SPATA16: variants seen among roughly 807,000 people sequenced by gnomAD.
SPATA16 encodes spermatogenesis-associated protein 16.
In SPATA16, 36 loss-of-function variants were observed where a neutral mutation model predicts 63.3. The ratio of observed to expected loss-of-function variants is 0.57; its 90% confidence interval spans 0.44 to 0.75. SPATA16 has a LOEUF of 0.75. SPATA16 is among the 30% of genes least tolerant of loss of function. The pLI is 0.00. For synonymous variants in SPATA16, 203 were observed against 216.7 expected (o/e 0.94, Z 0.56); for missense variants, 646 against 679.3 (o/e 0.95, Z 0.54).
At chr3:172,913,974 A>C (rs1732426719) in intron 9 of SPATA16, among the ~76,000 whole-genome samples, 1 of 152,200 alleles carries the variant, frequency 6.6e-6, no homozygotes, top group African/African-American at 2.4e-5. Flanking sequence ...TGTAAAAAAC[A>C]TATAGGTTTT....
chr3:173,115,896 T>TC lies in SPATA16; in HGVS notation c.612+1223_612+1224insG, dbSNP rs201025192. On this transcript the variant is annotated intron_variant, in intron 2 of 10. Coordinates refer to ENST00000351008, the MANE Select transcript of SPATA16 (RefSeq NM_031955.6). ...AATTACTCTTGTGGGCATTTTTTTT[T>TC]TCTTTTTTTTTTTTGACACAGAGTC... Among the ~76,000 whole-genome samples, 11 of 150,888 alleles carry TC rather than the reference T, an allele frequency of 7.3e-5. No homozygotes were observed. The East Asian group carries it at 7.8e-4, about 11-fold the overall frequency.
intron 6 of SPATA16, among the ~76,000 whole-genome samples, chr3:172,943,850 T>G (rs1733218072): frequency 6.6e-6 from 1 of 151,940 alleles, no homozygotes; most frequent in Non-Finnish European, 1.5e-5. Flanking sequence ...ATATAAAAAC[T>G]TCAATAAATC....
chr3:173,065,516 G>A (rs973284115), intron 2 of SPATA16, among the ~76,000 whole-genome samples: 1 of 152,188 alleles, frequency 6.6e-6, no homozygotes, highest in African/African-American at 2.4e-5. Context: ...TACCCACACA[G>A]GAAATCACTT....
chr3:173,062,580 A>G (rs1487727887), intron 2 of SPATA16, among the ~76,000 whole-genome samples: 1 of 152,186 alleles, frequency 6.6e-6, no homozygotes, highest in Non-Finnish European at 1.5e-5. Flanking sequence ...AAGACTGACT[A>G]ACTTTTCAGA....
intron 6 of SPATA16, among the ~76,000 whole-genome samples, chr3:172,948,322 A>G (rs1055389325): frequency 2.6e-5 from 4 of 152,238 alleles, no homozygotes; most frequent in African/African-American, 9.6e-5. Context: ...CCGGAGTAGC[A>G]TGACATATTT....
At chr3:172,905,109 G>A (rs1329262179) in intron 10 of SPATA16, among the ~76,000 whole-genome samples, 2 of 152,040 alleles carry the variant, frequency 1.3e-5, no homozygotes, top group African/African-American at 2.4e-5. Flanking sequence ...TCTGCACTAC[G>A]CCTTGGACAG....
chr3:173,001,144 TA>T (rs1369715786), intron 4 of SPATA16, among the ~76,000 whole-genome samples: 3 of 152,204 alleles, frequency 2.0e-5, no homozygotes, highest in South Asian at 2.1e-4. Flanking sequence ...ACAAAGACTA[TA>T]AAGACTACGA....
At chr3:173,067,818 A>G (rs182443105) in intron 2 of SPATA16, among the ~76,000 whole-genome samples, 6 of 152,312 alleles carry the variant, frequency 3.9e-5, no homozygotes, top group Admixed American at 3.3e-4. Flanking sequence ...ATAGTAATCA[A>G]ACTCTCAAAG....
intron 1 of SPATA16, among the ~76,000 whole-genome samples, chr3:173,138,315 T>C (rs1738607675): frequency 6.6e-6 from 1 of 152,162 alleles, no homozygotes; most frequent in Non-Finnish European, 1.5e-5. Context: ...ACAGACCAGG[T>C]TGAGTGCCAG....
chr3:173,065,927 G>T (rs1001518838), intron 2 of SPATA16, among the ~76,000 whole-genome samples: 1 of 152,160 alleles, frequency 6.6e-6, no homozygotes, highest in Non-Finnish European at 1.5e-5. Context: ...TACAAGGACC[G>T]CCGTTCTAGG....
intron 3 of SPATA16, among the ~76,000 whole-genome samples, chr3:173,024,724 C>A (rs1195123635): frequency 6.6e-6 from 1 of 150,634 alleles, no homozygotes; most frequent in Non-Finnish European, 1.5e-5. Flanking sequence ...TCTTTTCAAT[C>A]AAACTGATAT....
chr3:172,924,398 G>C, intron 7 of SPATA16, 81 bp from the exon 8 acceptor site: 1 of 1,078,644 alleles, frequency 9.3e-7, no homozygotes, highest in Non-Finnish European at 1.4e-6. Flanking sequence ...AGCTATAAAC[G>C]AATATCTCAA....
intron 1 of SPATA16, among the ~76,000 whole-genome samples, chr3:173,123,118 GA>G (rs1320081437): frequency 5.3e-5 from 8 of 152,178 alleles, no homozygotes; most frequent in Non-Finnish European, 1.2e-4. Context: ...AAGGTAGAGG[GA>G]AATTTGCCCT....
intron 8 of SPATA16, among the ~76,000 whole-genome samples, chr3:172,920,776 A>G (rs1009980091): frequency 6.6e-6 from 1 of 152,200 alleles, no homozygotes; most frequent in African/African-American, 2.4e-5. Flanking sequence ...TTGTTTAAGT[A>G]TTGTTTAGAA....
In SPATA16 at chr3:173,034,953, A is replaced by G. The variant is rs1560103052; in HGVS notation, c.758+13996T>C. Among the ~76,000 whole-genome samples, 4 of 152,130 alleles carry G rather than the reference A, an allele frequency of 2.6e-5. No individual in the cohort carries two copies. In the East Asian group the frequency reaches 5.8e-4, roughly 22 times the overall value. The stretch of plus-strand genomic sequence containing the variant: ...CGATTATTAAATCTCTCATTTTGAC[A>G]TTCTGTCTTCTTTGGCTCACTGTAT... On this transcript the variant is annotated intron_variant, in intron 3 of 10. Transcript: ENST00000351008.
intron 2 of SPATA16, among the ~76,000 whole-genome samples, chr3:173,099,391 A>G (rs768545771): frequency 3.9e-5 from 6 of 152,158 alleles, no homozygotes; most frequent in Admixed American, 1.3e-4. Flanking sequence ...TATAAATTAC[A>G]GTTTATCCTA....
At chr3:173,046,989 C>T (rs769444624) in intron 3 of SPATA16, among the ~76,000 whole-genome samples, 1 of 151,864 alleles carries the variant, frequency 6.6e-6, no homozygotes, top group African/African-American at 2.4e-5. Context: ...TTAATTGTAA[C>T]GTAATAGGAA....
intron 6 of SPATA16, among the ~76,000 whole-genome samples, chr3:172,937,592 CTG>C (rs142628506): frequency 0.06 from 9,156 of 152,192 alleles, 417 homozygotes; most frequent in Admixed American, 0.11. Context: ...GCAGGAACAA[CTG>C]AGAGTACCTT....
chr3:173,024,434 A>G (rs896995118), intron 3 of SPATA16, among the ~76,000 whole-genome samples: 1 of 151,312 alleles, frequency 6.6e-6, no homozygotes, highest in Non-Finnish European at 1.5e-5. Flanking sequence ...AAGAGTTACC[A>G]GAAGTAAATA....
Sources: gnomAD v4.1 joint callset for allele counts (sites outside exome capture counted in the v4.1 genomes callset) on GRCh38, gnomAD v4.1.1 for gene constraint, MANE v1.5 for transcripts, NCBI Gene and HGNC (gene_info 2026-07-23, HGNC 2026-07-21) for gene names.